The following BLVRB variants were observed in gnomAD, a reference collection of about 807,000 sequenced individuals.
BLVRB encodes the protein biliverdin reductase B.
A neutral mutation model predicts 21.1 loss-of-function variants in BLVRB; 25 were observed. That is an observed-to-expected ratio of 1.19 (90% CI 0.86 to 1.66). BLVRB has a LOEUF of 1.66. BLVRB is among the 40% of genes most tolerant of loss of function. The pLI is 0.00. For missense variants in BLVRB, 274 were observed against 282.7 expected (o/e 0.97, Z 0.22); for synonymous variants, 128 against 122.2 (o/e 1.05, Z -0.31).
chr19:40,453,515 A>G (rs2079749702), intron 3 of BLVRB, among the ~76,000 whole-genome samples: 2 of 152,226 alleles, frequency 1.3e-5, no homozygotes. Flanking sequence ...TCAACAAGCT[A>G]TAACTTGGCC....
At chr19:40,452,079 C>T (rs2079742486) in intron 3 of BLVRB, among the ~76,000 whole-genome samples, 1 of 152,172 alleles carries the variant, frequency 6.6e-6, no homozygotes, top group South Asian at 2.1e-4. Flanking sequence ...CTTCCCTCCT[C>T]CCAAGGAGCC....
At chr19:40,454,679 G>C (rs947618336) in intron 3 of BLVRB, among the ~76,000 whole-genome samples, 2 of 151,908 alleles carry the variant, frequency 1.3e-5, no homozygotes, top group East Asian at 1.9e-4. Flanking sequence ...CCGAGTAGCT[G>C]GGACTATAGG....
chr19:40,450,368 T>A (rs181428662), intron 4 of BLVRB: 2,138 of 144,950 alleles, frequency 0.015, 119 homozygotes, highest in Admixed American at 0.11. Flanking sequence ...TAGCCAGGTG[T>A]GGTGGCGGGC....
chr19:40,459,724 C>A (rs1253809656), intron 1 of BLVRB, among the ~76,000 whole-genome samples: 1 of 152,172 alleles, frequency 6.6e-6, no homozygotes, highest in Non-Finnish European at 1.5e-5. Context: ...GCGCATGCCA[C>A]CACATCCAAC....
intron 1 of BLVRB, among the ~76,000 whole-genome samples, chr19:40,458,775 C>T (rs2079774089): frequency 6.6e-6 from 1 of 152,004 alleles, no homozygotes; most frequent in African/African-American, 2.4e-5. Context: ...CTCACTGCAG[C>T]CTCAACCTCC....
intron 1 of BLVRB, among the ~76,000 whole-genome samples, chr19:40,462,082 T>C (rs2079789896): frequency 6.6e-6 from 1 of 152,162 alleles, no homozygotes; most frequent in Non-Finnish European, 1.5e-5. Flanking sequence ...AAACTCCAGC[T>C]CTGCCACTTA....
chr19:40,452,066 C>T (rs2079742434), intron 3 of BLVRB, among the ~76,000 whole-genome samples: 1 of 152,172 alleles, frequency 6.6e-6, no homozygotes, highest in African/African-American at 2.4e-5. Flanking sequence ...CTCTCAGCCC[C>T]TCCTTCCCTC....
At chr19:40,463,321 A>G (rs2079796423) in intron 1 of BLVRB, among the ~76,000 whole-genome samples, 1 of 152,214 alleles carries the variant, frequency 6.6e-6, no homozygotes, top group African/African-American at 2.4e-5. Flanking sequence ...TCATTTAATT[A>G]TCCCAAGAGC....
At chr19:40,450,321 CTG>C (rs1453362195) in intron 4 of BLVRB, 1 of 140,984 alleles carries the variant, frequency 7.1e-6, no homozygotes, top group African/African-American at 2.6e-5. Flanking sequence ...CTGGCTAACA[CTG>C]TGAAACCCCG....
chr19:40,449,418 G>C (rs1477374370), intron 4 of BLVRB, among the ~76,000 whole-genome samples: 1 of 151,972 alleles, frequency 6.6e-6, no homozygotes, highest in Non-Finnish European at 1.5e-5. Context: ...GCTAATTTTT[G>C]TATTTTTAGT....
At chr19:40,455,708 A>G (rs2079759494) in intron 3 of BLVRB, among the ~76,000 whole-genome samples, 1 of 152,118 alleles carries the variant, frequency 6.6e-6, no homozygotes, top group African/African-American at 2.4e-5. Flanking sequence ...AAATAAAAAC[A>G]AACAAACAAA....
intron 1 of BLVRB, among the ~76,000 whole-genome samples, chr19:40,459,441 CTAT>C (rs2079777225): frequency 2.1e-5 from 3 of 141,800 alleles, no homozygotes; most frequent in African/African-American, 7.7e-5. Flanking sequence ...TCCTTACCTT[CTAT>C]TTATTATTAT....
At position 40,451,566 on chromosome 19, in the gene BLVRB, C is replaced by T. The variant is rs866773079; in HGVS notation, c.335-74G>A. 16 of 1,437,614 alleles carry T rather than the reference C, an allele frequency of 1.1e-5. No individual in the cohort carries two copies. The South Asian group carries it at 1.6e-4, about 14-fold the overall frequency. The allele number at this position is 1,437,614 out of a possible 1,614,324, so 89.1% of individuals were successfully genotyped here. A position where few individuals can be genotyped will look rare whatever the true frequency, so the allele number is the denominator to read the frequency against. On this transcript the variant is annotated intron_variant, in intron 3 of 4. Coordinates refer to ENST00000263368, the MANE Select transcript of BLVRB (RefSeq NM_000713.3). ...TTTTTTTTTTTGAGACAGAGTGTCG[C>T]TTTGTCACCCAGGCTGAGTGCAGTG...
At chr19:40,452,885 C>CA (rs2079746162) in intron 3 of BLVRB, among the ~76,000 whole-genome samples, 1 of 94,518 alleles carries the variant, frequency 1.1e-5, no homozygotes, top group African/African-American at 6.9e-5. Flanking sequence ...CAGAACAAAA[C>CA]AAAACAAAAC....
At position 40,447,950 on chromosome 19, in the gene BLVRB, C is replaced by G; in HGVS notation, c.560G>C (p.Arg187Pro). Residue 187 changes from arginine (R) to proline (P), a missense_variant, in exon 5 of 5, where the codon CGC becomes CCC. Physicochemically the swap from Arg to Pro is moderately radical, Grantham distance 103 (BLOSUM62 -2). Transcript: ENST00000263368. ...GTCGTACTCATCGGTGGTGAGGCAGCGCAGCATGAAATGGCCCAGGTCATG... is the reference window on the plus strand; with the variant it reads ...GTCGTACTCATCGGTGGTGAGGCAGGGCAGCATGAAATGGCCCAGGTCATG... ...SKHDLGHFML[R>P]CLTTDEYDGH... 6.2e-7 allele frequency: 1 copy of G among 1,614,056 alleles called. No individual in the cohort carries two copies. The highest frequency in any genetic ancestry group is 8.5e-7 in the Non-Finnish European group (1 of 1,180,012).
chr19:40,449,077 C>CA lies in BLVRB; in HGVS notation c.464-1032dup, dbSNP rs112334695. ...TGGGCTACAGAGGGAGACCCTGTCT[C>CA]AAAAAAAAAAAAGGAACACACACCT... On this transcript the variant is annotated intron_variant, in intron 4 of 4. Coordinates refer to ENST00000263368, the MANE Select transcript of BLVRB (RefSeq NM_000713.3). Among the ~76,000 whole-genome samples, 107 of 137,820 alleles carry CA rather than the reference C, an allele frequency of 7.8e-4. No homozygotes were observed. The South Asian group carries it at 8.8e-3, about 11-fold the overall frequency. 90.4% of individuals were successfully genotyped at this position (137,820 alleles called of 152,430 possible). A position where few individuals can be genotyped will look rare whatever the true frequency, so the allele number is the denominator to read the frequency against.
At chr19:40,457,814 TAA>T (rs889971045) in intron 3 of BLVRB, 1 of 322,118 alleles carries the variant, frequency 3.1e-6, no homozygotes, top group African/African-American at 2.1e-5. Flanking sequence ...TCTCTCAGCC[TAA>T]GTCGGACGCC....
Position 40,449,708 on chromosome 19 carries a change from C to G in BLVRB, c.463+1656G>C, listed in dbSNP as rs908714565. Among the ~76,000 whole-genome samples the G allele has an allele frequency of 5.3e-5, 8 of 152,176 alleles. No individual in the cohort carries two copies. In the South Asian group the frequency reaches 6.2e-4, roughly 12 times the overall value. On this transcript the variant is annotated intron_variant, in intron 4 of 4. Coordinates refer to ENST00000263368, the MANE Select transcript of BLVRB (RefSeq NM_000713.3). Reference sequence around the variant, plus strand: ...AGTGCGACAATGTTGCAATTCCTCTCAAATGATTAAGCCAAATATACATAT... The same window carrying G: ...AGTGCGACAATGTTGCAATTCCTCTGAAATGATTAAGCCAAATATACATAT...
At chr19:40,462,926 A>G (rs1037170088) in intron 1 of BLVRB, among the ~76,000 whole-genome samples, 14 of 145,796 alleles carry the variant, frequency 9.6e-5, no homozygotes, top group Non-Finnish European at 1.7e-4. Flanking sequence ...AAAATCAGCC[A>G]TCAATACAAA....
Sources: gnomAD v4.1 joint callset for allele counts (sites outside exome capture counted in the v4.1 genomes callset) on GRCh38, gnomAD v4.1.1 for gene constraint, MANE v1.5 for transcripts, NCBI Gene and HGNC (gene_info 2026-07-23, HGNC 2026-07-21) for gene names.